Variants in ERGIC2 observed in about 807,000 individuals in gnomAD.
ERGIC2 encodes ERGIC and golgi 2, also known as endoplasmic reticulum-Golgi intermediate compartment protein 2.
Under a neutral mutation model 52.5 loss-of-function variants are expected in ERGIC2, and 31 were observed. That is an observed-to-expected ratio of 0.59 (90% CI 0.44 to 0.80). The LOEUF (loss-of-function observed/expected upper bound fraction) is 0.80, where lower values mean the gene tolerates loss of function less well. Ranked by LOEUF, ERGIC2 falls within the 30% of genes least tolerant of loss-of-function variation. The pLI is 0.00. For missense variants in ERGIC2, 395 were observed against 455.2 expected (o/e 0.87, Z 1.20); for synonymous variants, 129 against 140.6 (o/e 0.92, Z 0.58).
At chr12:29,358,518 C>T (rs946578363) in intron 6 of ERGIC2, among the ~76,000 whole-genome samples, 2 of 152,058 alleles carry the variant, frequency 1.3e-5, no homozygotes, top group African/African-American at 4.8e-5. Flanking sequence ...AGAACGAACT[C>T]TAATGTAAAC....
intron 5 of ERGIC2, among the ~76,000 whole-genome samples, chr12:29,363,643 A>G (rs1245532800): frequency 6.6e-6 from 1 of 152,088 alleles, no homozygotes; most frequent in Non-Finnish European, 1.5e-5. Context: ...AAAACAGTCA[A>G]CAATACTGTC....
At chr12:29,376,551 G>A (rs1940517466) in intron 1 of ERGIC2, among the ~76,000 whole-genome samples, 1 of 152,152 alleles carries the variant, frequency 6.6e-6, no homozygotes, top group African/African-American at 2.4e-5. Flanking sequence ...AGCCACCCAT[G>A]AGCAAGGTCA....
chr12:29,381,154 A>T lies in ERGIC2; in HGVS notation c.-77T>A, dbSNP rs555081858. On this transcript the variant is annotated 5_prime_UTR_variant, in exon 1 of 14. Transcript: ENST00000360150. ...CCAGCCTACCGCCATGTTTCACAGAAGCCCGGGTCGCCGGGGCTCCCGCGT... is the reference window on the plus strand; with the variant it reads ...CCAGCCTACCGCCATGTTTCACAGATGCCCGGGTCGCCGGGGCTCCCGCGT... 10 of 152,272 alleles carry T rather than the reference A, an allele frequency of 6.6e-5. No homozygotes were observed. Among genetic ancestry groups the T allele is most frequent in the Admixed American group, 4.6e-4 (7 of 15,282 alleles). 9.4% of individuals were successfully genotyped at this position (152,272 alleles called of 1,614,324 possible).
At chr12:29,377,777 A>C (rs1346794910) in intron 1 of ERGIC2, among the ~76,000 whole-genome samples, 3 of 152,238 alleles carry the variant, frequency 2.0e-5, no homozygotes, top group African/African-American at 7.2e-5. Flanking sequence ...TATCCATCTG[A>C]ATATAATGAG....
At chr12:29,373,828 T>G (rs7311742) in intron 1 of ERGIC2, among the ~76,000 whole-genome samples, 53,375 of 152,030 alleles carry the variant, frequency 0.35, 11,249 homozygotes, top group African/African-American at 0.6. Context: ...CCCACGTCAG[T>G]TATAAAACTG....
intron 4 of ERGIC2, 126 bp from the exon 5 acceptor site, chr12:29,367,073 C>T: frequency 2.1e-6 from 1 of 476,244 alleles, no homozygotes; most frequent in Non-Finnish European, 3.6e-6. Context: ...ACCTCACCAA[C>T]TATGTAGAAT....
At chr12:29,349,381 C>T (rs774131522) in intron 9 of ERGIC2, among the ~76,000 whole-genome samples, 2 of 151,878 alleles carry the variant, frequency 1.3e-5, no homozygotes, top group Admixed American at 6.6e-5. Flanking sequence ...TAAATTCTGA[C>T]AAAATGCTAT....
At chr12:29,365,294 T>C (rs1195832299) in intron 5 of ERGIC2, among the ~76,000 whole-genome samples, 1 of 152,080 alleles carries the variant, frequency 6.6e-6, no homozygotes, top group East Asian at 1.9e-4. Context: ...AAGAAACTTT[T>C]ATCCTTTGCA....
At chr12:29,372,075 C>T (rs1940448618) in intron 1 of ERGIC2, among the ~76,000 whole-genome samples, 1 of 152,166 alleles carries the variant, frequency 6.6e-6, no homozygotes, top group African/African-American at 2.4e-5. Flanking sequence ...CACGGTCGCT[C>T]ACGCCTGTAA....
intron 1 of ERGIC2, among the ~76,000 whole-genome samples, chr12:29,373,815 A>AC (rs988381957): frequency 2.6e-5 from 4 of 152,194 alleles, no homozygotes; most frequent in Non-Finnish European, 4.4e-5. Flanking sequence ...CAGTTTTCTG[A>AC]CCCCCACGTC....
chr12:29,362,695 G>A lies in ERGIC2; in HGVS notation c.334-1010C>T, dbSNP rs977705856. 2.6e-5 allele frequency among the ~76,000 whole-genome samples: 4 copies of A among 152,036 alleles called. No homozygotes were observed. In the South Asian group the frequency reaches 6.2e-4, roughly 24 times the overall value. ...ACATCAATCTGGAACATGCCTCTCC[G>A]GTAACTGTGAGAGCCTCATGTCTAA... is the stretch of plus-strand genomic sequence containing the variant. On this transcript the variant is annotated intron_variant, in intron 5 of 13. Coordinates refer to ENST00000360150, the MANE Select transcript of ERGIC2 (RefSeq NM_016570.3).
intron 5 of ERGIC2, among the ~76,000 whole-genome samples, chr12:29,366,629 T>C (rs1021724965): frequency 4.0e-5 from 6 of 151,596 alleles, no homozygotes; most frequent in African/African-American, 1.5e-4. Context: ...TTAAAAAAGG[T>C]TATAAAACAG....
intron 2 of ERGIC2, 147 bp downstream of exon 2, chr12:29,371,381 C>T: frequency 1.8e-6 from 1 of 540,748 alleles, no homozygotes; most frequent in East Asian, 3.1e-5. Context: ...TTACAGCCAA[C>T]AGAGTGGCAT....
chr12:29,356,964 G>C (rs756643187), intron 7 of ERGIC2, among the ~76,000 whole-genome samples: 1 of 151,504 alleles, frequency 6.6e-6, no homozygotes. Context: ...AAATATCCAC[G>C]AATCTTTTTT....
intron 1 of ERGIC2, among the ~76,000 whole-genome samples, chr12:29,378,058 T>C (rs902494140): frequency 6.6e-6 from 1 of 152,188 alleles, no homozygotes; most frequent in African/African-American, 2.4e-5. Context: ...CTGGTATCTA[T>C]GAATGGGCCT....
At chr12:29,373,170 T>G (rs1298102433) in intron 1 of ERGIC2, among the ~76,000 whole-genome samples, 1 of 152,144 alleles carries the variant, frequency 6.6e-6, no homozygotes, top group Non-Finnish European at 1.5e-5. Flanking sequence ...ACTTCAGATT[T>G]CCCATGTTAT....
Position 29,340,650 on chromosome 12 carries a change from C to T in ERGIC2, c.*506G>A. On this transcript the variant is annotated 3_prime_UTR_variant, in exon 14 of 14. Transcript: ENST00000360150. ...ATATGGCTATAACATAGGGACTAGC[C>T]CGTTTTTTTTTTTTATTAACAATGT... The T allele has an allele frequency of 3.7e-6, 1 of 271,448 alleles. No individual in the cohort carries two copies. The highest frequency in any genetic ancestry group is 5.3e-5 in the Admixed American group (1 of 19,022). The allele number at this position is 271,448 out of a possible 1,614,324, so 16.8% of individuals were successfully genotyped here. A position where few individuals can be genotyped will look rare whatever the true frequency, so the allele number is the denominator to read the frequency against.
chr12:29,341,140 C>T lies in ERGIC2; in HGVS notation c.*16G>A, dbSNP rs779982220. 3 of 1,591,594 alleles carry T rather than the reference C, an allele frequency of 1.9e-6. No homozygotes were observed. The East Asian group carries it at 6.8e-5, about 36-fold the overall frequency. On this transcript the variant is annotated 3_prime_UTR_variant, in exon 14 of 14. Coordinates refer to ENST00000360150, the MANE Select transcript of ERGIC2 (RefSeq NM_016570.3). Reference sequence around the variant, plus strand: ...ATGTCTCAGGCAAAAAGTTTTTCTCCTTCAATCGGGAGGTGTTAATGTGTA... The same window carrying T: ...ATGTCTCAGGCAAAAAGTTTTTCTCTTTCAATCGGGAGGTGTTAATGTGTA...
intron 8 of ERGIC2, among the ~76,000 whole-genome samples, chr12:29,352,758 T>C (rs1431915016): frequency 6.6e-6 from 1 of 152,220 alleles, no homozygotes; most frequent in Non-Finnish European, 1.5e-5. Context: ...ATTTGGTATA[T>C]AAACTGTAGT....
Sources: gnomAD v4.1 joint callset for allele counts (sites outside exome capture counted in the v4.1 genomes callset) on GRCh38, gnomAD v4.1.1 for gene constraint, MANE v1.5 for transcripts, NCBI Gene and HGNC (gene_info 2026-07-23, HGNC 2026-07-21) for gene names.